Variants in SPOCD1 observed in about 807,000 individuals in gnomAD.
SPOCD1 encodes the protein SPOC domain-containing protein 1.
Under a neutral mutation model 92.2 loss-of-function variants are expected in SPOCD1, and 64 were observed. The observed-to-expected ratio is 0.69, with a 90% CI of 0.57 to 0.86. The LOEUF (loss-of-function observed/expected upper bound fraction) is 0.86, where lower values mean the gene tolerates loss of function less well. SPOCD1 is among the 40% of genes least tolerant of loss of function. The pLI is 0.00. For missense variants in SPOCD1, 1,360 were observed against 1,543.1 expected (o/e 0.88, Z 1.99); for synonymous variants, 578 against 619.3 (o/e 0.93, Z 0.99).
At chr1:31,812,355 G>A (rs539529394) in intron 2 of SPOCD1, among the ~76,000 whole-genome samples, 27 of 152,300 alleles carry the variant, frequency 1.8e-4, no homozygotes, top group African/African-American at 5.5e-4. Context: ...TCCCGACAGC[G>A]CCTGTGCCTG....
chr1:31,814,937 T>C lies in SPOCD1; in HGVS notation c.397A>G (p.Arg133Gly), dbSNP rs1649457646. 3 of 1,613,800 alleles carry C rather than the reference T, an allele frequency of 1.9e-6. No individual in the cohort carries two copies. Among genetic ancestry groups the C allele is most frequent in the South Asian group, 2.2e-5 (2 of 91,086 alleles). ...CCAGCAGACCTGCTACAAAGTTTCCTGGGGCAACTGTCATCTAAGATGTCA... is the reference window on the plus strand; with the variant it reads ...CCAGCAGACCTGCTACAAAGTTTCCCGGGGCAACTGTCATCTAAGATGTCA... ...LCDILDDSCP[R>G]KLCSRSAGLP... The change falls in exon 2 of 16, where the codon AGG becomes GGG. Residue 133 changes from arginine to glycine, a missense_variant. Physicochemically the swap from Arg to Gly is moderately radical, Grantham distance 125. Coordinates refer to ENST00000360482, the MANE Select transcript of SPOCD1 (RefSeq NM_144569.7). This position sits in a 1 kb window ranked among gnomAD's most constrained non-coding sequence, Gnocchi z 4.2.
In SPOCD1 at chr1:31,812,976, T is replaced by C. The variant is rs574321500; in HGVS notation, c.1383+975A>G. On this transcript the variant is annotated intron_variant, in intron 2 of 15. Coordinates refer to ENST00000360482, the MANE Select transcript of SPOCD1 (RefSeq NM_144569.7). ...ATATACACCAAAAACAAGTAGAGTC[T>C]TCTTCTGCCTTTGGTGTATAAATGT... is the stretch of plus-strand genomic sequence containing the variant. Among the ~76,000 whole-genome samples the C allele has an allele frequency of 8.5e-5, 13 of 152,362 alleles. No homozygotes were observed. In the South Asian group the frequency reaches 1.9e-3, roughly 22 times the overall value.
At chr1:31,794,008 C>A in intron 11 of SPOCD1, 111 bp from the exon 12 acceptor site, 1 of 1,499,900 alleles carries the variant, frequency 6.7e-7, no homozygotes, top group Non-Finnish European at 9.1e-7. Context: ...ACCTGGGGCA[C>A]GGGCACCCCT....
Position 31,814,492 on chromosome 1 carries a change from C to T in SPOCD1, c.842G>A (p.Gly281Glu). Residue 281 changes from glycine (G) to glutamate (E), a missense_variant, in exon 2 of 16, where the codon GGG becomes GAG. Gly to Glu is a moderately conservative substitution (Grantham distance 98). This residue lies in a region of SPOCD1 where 606 missense variants were observed against 601.5 expected (regional missense o/e 1.01). Transcript: ENST00000360482. This position sits in a 1 kb window ranked among gnomAD's most constrained non-coding sequence, Gnocchi z 4.2. ...GGGCAAATATCCAAATTTCTCAGTC[C>T]CTGAGGCACATCCTGCCCCACTTCC... ...PGGSGAGCASGTEKFGYLPAT... is the reference protein window; with the variant it reads ...PGGSGAGCASETEKFGYLPAT... 6.4e-7 allele frequency: 1 copy of T among 1,561,936 alleles called. No individual in the cohort carries two copies. Among genetic ancestry groups the T allele is most frequent in the African/African-American group, 1.4e-5 (1 of 73,732 alleles).
intron 2 of SPOCD1, among the ~76,000 whole-genome samples, chr1:31,811,442 G>A (rs1356786510): frequency 6.6e-6 from 1 of 151,742 alleles, no homozygotes; most frequent in East Asian, 1.9e-4. Context: ...TGGGTGACAG[G>A]GCGAGACTCC....
chr1:31,799,736 G>A, intron 6 of SPOCD1, 73 bp downstream of exon 6: 1 of 1,533,704 alleles, frequency 6.5e-7, no homozygotes, highest in Non-Finnish European at 9.0e-7. Context: ...CTGGGCCCAG[G>A]AGCTGGGCCT....
chr1:31,809,364 T>C (rs1055876543), intron 2 of SPOCD1, among the ~76,000 whole-genome samples: 2 of 151,830 alleles, frequency 1.3e-5, no homozygotes, highest in Non-Finnish European at 2.9e-5. Context: ...CTGATGGGGG[T>C]GTATACTATT....
intron 10 of SPOCD1, 92 bp downstream of exon 10, chr1:31,796,498 G>A (rs1648032545): frequency 6.2e-7 from 1 of 1,600,026 alleles, no homozygotes; most frequent in South Asian, 1.1e-5. Flanking sequence ...GAGCAGTCAG[G>A]TGACATGCCC....
rs1267402143 is a variant in SPOCD1, at chr1:31,815,447, G to C, written c.-39-75C>G. The C allele has an allele frequency of 1.7e-5, 19 of 1,109,696 alleles. 1 individual carries two copies. In the East Asian group the frequency reaches 4.8e-4, roughly 28 times the overall value. 68.7% of individuals were successfully genotyped at this position (1,109,696 alleles called of 1,614,324 possible). On this transcript the variant is annotated intron_variant, in intron 1 of 15. Coordinates refer to ENST00000360482, the MANE Select transcript of SPOCD1 (RefSeq NM_144569.7). Reference sequence around the variant, plus strand: ...CAGCCCGTTCAGTGGGAACTGGGAGGAGCCCCTCTTCCAGCCAGCTCTCCC... The same window carrying C: ...CAGCCCGTTCAGTGGGAACTGGGAGCAGCCCCTCTTCCAGCCAGCTCTCCC...
intron 2 of SPOCD1, among the ~76,000 whole-genome samples, chr1:31,809,742 C>T (rs1649077918): frequency 1.3e-5 from 2 of 152,310 alleles, no homozygotes; most frequent in Admixed American, 6.5e-5. Flanking sequence ...CGATCATTAT[C>T]ACTATTCGAG....
intron 11 of SPOCD1, 89 bp downstream of exon 11, chr1:31,794,035 C>A (rs1486352088): frequency 9.2e-6 from 14 of 1,521,564 alleles, no homozygotes; most frequent in Non-Finnish European, 1.2e-5. Flanking sequence ...CCACCCTCTC[C>A]CCAGGCCACA....
intron 3 of SPOCD1, among the ~76,000 whole-genome samples, chr1:31,801,217 G>A (rs886739015): frequency 1.4e-4 from 21 of 152,164 alleles, no homozygotes; most frequent in Non-Finnish European, 2.4e-4. Context: ...TGTCCCGCTC[G>A]GCTTTTTGCT....
chr1:31,810,142 A>C (rs1649105947), intron 2 of SPOCD1, among the ~76,000 whole-genome samples: 1 of 151,978 alleles, frequency 6.6e-6, no homozygotes, highest in Non-Finnish European at 1.5e-5. Context: ...TTCTCTGGTT[A>C]GTGGTTTTCT....
chr1:31,792,914 A>G lies in SPOCD1; in HGVS notation c.2686-147T>C, dbSNP rs1570147288. 7 of 729,368 alleles carry G rather than the reference A, an allele frequency of 9.6e-6. No individual in the cohort carries two copies. The East Asian group carries it at 1.1e-4, about 11-fold the overall frequency. The allele number at this position is 729,368 out of a possible 1,614,324, so 45.2% of individuals were successfully genotyped here. A position where few individuals can be genotyped will look rare whatever the true frequency, so the allele number is the denominator to read the frequency against. On this transcript the variant is annotated intron_variant, in intron 13 of 15. Coordinates refer to ENST00000360482, the MANE Select transcript of SPOCD1 (RefSeq NM_144569.7). ...CCTCAGTGGCTGCCCAGAAAGCTCT[A>G]ATTGCCCCATGGAGGTCTGCAGCCT...
rs749369599 is a variant in SPOCD1, at chr1:31,799,517, G to C, written c.1784-32C>G. 13 of 1,578,598 alleles carry C rather than the reference G, an allele frequency of 8.2e-6. No individual in the cohort carries two copies. In the East Asian group the frequency reaches 2.3e-4, roughly 27 times the overall value. On this transcript the variant is annotated intron_variant, in intron 6 of 15. Transcript: ENST00000360482. ...GGAGAGAGCGTCACAGGCTCCCAGG[G>C]GTGCCCAGGGGAAAGGGGAGGGGGC...
chr1:31,814,641 G>T lies in SPOCD1; in HGVS notation c.693C>A (p.Ser231Arg). The part of the protein sequence containing the change: ...GAGDFLWLDQ[S>R]PRGDNLLSVG... ...CAGACAGGAGGTTGTCCCCACGAGG[G>T]CTCTGATCAAGCCACAGGAAGTCAC... Residue 231 changes from serine to arginine, a missense_variant, in exon 2 of 16, where the codon AGC (serine) becomes AGA (arginine). Transcript: ENST00000360482. The surrounding 1 kb of genome is among the most constrained non-coding windows in gnomAD (Gnocchi z 4.2). 1 of 1,538,122 alleles carries T rather than the reference G, an allele frequency of 6.5e-7. No homozygotes were observed. Among genetic ancestry groups the T allele is most frequent in the Non-Finnish European group, 8.7e-7 (1 of 1,143,038 alleles).
At chr1:31,813,488 C>G (rs1649335380) in intron 2 of SPOCD1, among the ~76,000 whole-genome samples, 1 of 152,242 alleles carries the variant, frequency 6.6e-6, no homozygotes. Context: ...TGGTCTTGAT[C>G]TCTTGACCTC....
chr1:31,790,502 G>T lies in SPOCD1; in HGVS notation c.*101C>A. 1 of 1,062,242 alleles carries T rather than the reference G, an allele frequency of 9.4e-7. No individual in the cohort carries two copies. Among genetic ancestry groups the T allele is most frequent in the African/African-American group, 1.6e-5 (1 of 62,396 alleles). The allele number at this position is 1,062,242 out of a possible 1,614,324, so 65.8% of individuals were successfully genotyped here. A position where few individuals can be genotyped will look rare whatever the true frequency, so the allele number is the denominator to read the frequency against. On this transcript the variant is annotated 3_prime_UTR_variant, in exon 16 of 16. Coordinates refer to ENST00000360482, the MANE Select transcript of SPOCD1 (RefSeq NM_144569.7). The stretch of plus-strand genomic sequence containing the variant: ...ACAGGAAGTTCAAACAGGGCAGGTG[G>T]GTAGGGCTGACCATCCTCTCCTTGC...
intron 2 of SPOCD1, among the ~76,000 whole-genome samples, chr1:31,804,278 C>T (rs1191717503): frequency 6.6e-6 from 1 of 152,144 alleles, no homozygotes; most frequent in Non-Finnish European, 1.5e-5. Context: ...CACATAGAGG[C>T]ACAGGGAGGT....
Sources: gnomAD v4.1 joint callset for allele counts (sites outside exome capture counted in the v4.1 genomes callset) on GRCh38, gnomAD v4.1.1 for gene constraint, gnomAD v4.1.1 regional missense constraint, Gnocchi (gnomAD v3.1) non-coding constraint, MANE v1.5 for transcripts, NCBI Gene and HGNC (gene_info 2026-07-23, HGNC 2026-07-21) for gene names.